The following SLC3A1 variants were observed in gnomAD, a reference collection of about 807,000 sequenced individuals.
SLC3A1 encodes solute carrier family 3 member 1, also known as amino acid transporter heavy chain SLC3A1.
SLC3A1 carries 78 observed loss-of-function variants against 60.3 expected under a neutral mutation model. The ratio of observed to expected loss-of-function variants is 1.29; its 90% CI spans 1.08 to 1.56. SLC3A1 has a LOEUF of 1.56. Among genes scored for constraint, SLC3A1 ranks in the 40% most tolerant of loss-of-function variants. The probability of loss-of-function intolerance (pLI) is 0.00; values close to 1 mark genes in which losing one functional copy is unlikely to be tolerated. For synonymous variants in SLC3A1, 392 were observed against 307.9 expected (o/e 1.27, Z -2.86); for missense variants, 1,172 against 858.9 (o/e 1.36, Z -4.56).
chr2:44,278,699 C>A (rs1194957994), intron 1 of SLC3A1, among the ~76,000 whole-genome samples: 1 of 152,058 alleles, frequency 6.6e-6, no homozygotes, highest in Admixed American at 6.6e-5. Context: ...AAGGAGAAAA[C>A]ACATTATCTG....
At chr2:44,285,004 T>A (rs1415453242) in intron 3 of SLC3A1, 1 of 152,240 alleles carries the variant, frequency 6.6e-6, no homozygotes, top group East Asian at 1.9e-4. Flanking sequence ...TTCATTTAAG[T>A]GTCCATTTCT....
chr2:44,288,226 A>T (rs1327019894), intron 4 of SLC3A1, among the ~76,000 whole-genome samples: 1 of 152,038 alleles, frequency 6.6e-6, no homozygotes, highest in Non-Finnish European at 1.5e-5. Context: ...GGGTTTTGCC[A>T]TGTTGGCCAG....
chr2:44,286,123 A>G lies in SLC3A1; in HGVS notation c.857A>G (p.Asn286Ser), dbSNP rs764752418. ...HQFMKEQPDL[N>S]FRNPDVQEEI... The stretch of plus-strand genomic sequence containing the variant: ...TTTATGAAAGAGCAACCTGATTTAA[A>G]TTTCCGCAATCCTGATGTTCAAGAA... Residue 286 changes from asparagine to serine, a missense_variant, in exon 4 of 10, where the codon AAT becomes AGT. By Grantham distance (46) the Asn-to-Ser change is conservative. Coordinates refer to ENST00000260649, the MANE Select transcript of SLC3A1 (RefSeq NM_000341.4). The G allele has an allele frequency of 1.9e-6, 3 of 1,614,094 alleles. No individual in the cohort carries two copies. Among genetic ancestry groups the G allele is most frequent in the East Asian group, 2.2e-5 (1 of 44,872 alleles).
rs1262745442 is a variant in SLC3A1, at chr2:44,280,886, C to T, written c.601C>T (p.His201Tyr). 13 of 1,613,936 alleles carry T rather than the reference C, an allele frequency of 8.1e-6. No homozygotes were observed. The highest frequency in any genetic ancestry group is 1.1e-5 in the Non-Finnish European group (13 of 1,179,892). Residue 201 changes from histidine to tyrosine, a missense_variant, in exon 2 of 10, where the codon CAT (histidine) becomes TAT (tyrosine). Physicochemically the swap from His to Tyr is moderately conservative, Grantham distance 83 (BLOSUM62 2). Coordinates refer to ENST00000260649, the MANE Select transcript of SLC3A1 (RefSeq NM_000341.4). The stretch of plus-strand genomic sequence containing the variant: ...TTTTGAGAATCTGGTTGCAGCCATA[C>T]ATGATAAAGGTAAGTTGAATGGAAA... Reference protein sequence around the residue: ...EDFENLVAAIHDKGLKLIIDF... With the variant: ...EDFENLVAAIYDKGLKLIIDF...
At chr2:44,293,600 G>T (rs1671784692) in intron 4 of SLC3A1, among the ~76,000 whole-genome samples, 1 of 152,116 alleles carries the variant, frequency 6.6e-6, no homozygotes, top group Non-Finnish European at 1.5e-5. Context: ...TTGTTGATGT[G>T]GCTGATGTCT....
chr2:44,285,393 G>T, intron 3 of SLC3A1: 1 of 249,144 alleles, frequency 4.0e-6, no homozygotes, highest in Non-Finnish European at 8.1e-6. Context: ...ACATTCAAGG[G>T]CCCACAGCGT....
chr2:44,306,647 G>C (rs1041137392), intron 7 of SLC3A1, among the ~76,000 whole-genome samples: 6 of 147,746 alleles, frequency 4.1e-5, no homozygotes, highest in African/African-American at 1.3e-4. Flanking sequence ...TCTGCCTCCT[G>C]GGTTCAAGTA....
At chr2:44,294,280 G>A (rs1473113009) in intron 4 of SLC3A1, among the ~76,000 whole-genome samples, 3 of 152,042 alleles carry the variant, frequency 2.0e-5, no homozygotes, top group African/African-American at 7.2e-5. Flanking sequence ...TGAGGTGGGT[G>A]GATCACTTGA....
At chr2:44,290,952 T>C (rs1671728846) in intron 4 of SLC3A1, among the ~76,000 whole-genome samples, 1 of 152,184 alleles carries the variant, frequency 6.6e-6, no homozygotes, top group African/African-American at 2.4e-5. Flanking sequence ...ACACATTCTA[T>C]GTGCTAAGTG....
intron 7 of SLC3A1, among the ~76,000 whole-genome samples, chr2:44,309,452 C>G (rs898465235): frequency 1.3e-5 from 2 of 152,182 alleles, no homozygotes; most frequent in Non-Finnish European, 2.9e-5. Flanking sequence ...GTTATCTATT[C>G]ATCTGTTGGT....
At chr2:44,308,896 C>T (rs1160522454) in intron 7 of SLC3A1, among the ~76,000 whole-genome samples, 2 of 151,990 alleles carry the variant, frequency 1.3e-5, no homozygotes, top group Non-Finnish European at 2.9e-5. Context: ...CCATGCCTGG[C>T]TAACTTCTTG....
intron 4 of SLC3A1, 40 bp downstream of exon 4, chr2:44,286,197 G>C (rs1333894986): frequency 1.9e-6 from 3 of 1,597,914 alleles, no homozygotes; most frequent in Non-Finnish European, 2.6e-6. Context: ...CATTAATGGA[G>C]GTTTAGGTAT....
chr2:44,304,211 T>A lies in SLC3A1; in HGVS notation c.1205T>A (p.Ile402Asn). Residue 402 changes from isoleucine (I) to asparagine (N), a missense_variant, in exon 7 of 10, where the codon ATC becomes AAC. Ile to Asn is a moderately radical substitution (Grantham distance 149). Transcript: ENST00000260649. ...GTGATGTACTATGGATTGCCATTTATCCAAGAAGCTGATTTTCCCTTCAAC... is the reference window on the plus strand; with the variant it reads ...GTGATGTACTATGGATTGCCATTTAACCAAGAAGCTGATTTTCCCTTCAAC... ...RTVMYYGLPF[I>N]QEADFPFNNY... 6.2e-7 allele frequency: 1 copy of A among 1,614,132 alleles called. No homozygotes were observed.
At position 44,275,665 on chromosome 2, in the gene SLC3A1, C is replaced by G; in HGVS notation, c.130C>G (p.Leu44Val). Residue 44 changes from leucine to valine, a missense_variant, in exon 1 of 10, where the codon CTG (leucine) becomes GTG (valine). Transcript: ENST00000260649. ...GGATCCAGGAAGCTCAACAGACAAC[C>G]TGAAGCACAGCACCAGGGGCATCCT... Reference protein sequence around the residue: ...TPDPGSSTDNLKHSTRGILGS... With the variant: ...TPDPGSSTDNVKHSTRGILGS... 3 of 1,614,182 alleles carry G rather than the reference C, an allele frequency of 1.9e-6. No individual in the cohort carries two copies. Among genetic ancestry groups the G allele is most frequent in the Admixed American group, 1.7e-5 (1 of 60,016 alleles).
At chr2:44,318,666 GTC>G (rs1672652437) in intron 9 of SLC3A1, 1 of 151,576 alleles carries the variant, frequency 6.6e-6, no homozygotes. Context: ...TATAGTGCCT[GTC>G]TCTGAGGGGA....
intron 9 of SLC3A1, chr2:44,319,334 C>CAGAAAAGTGCCA: frequency 6.6e-6 from 1 of 152,542 alleles, no homozygotes; most frequent in Non-Finnish European, 1.5e-5. Context: ...AGTGCCCATA[C>CAGAAAAGTGCCA]TCTTTGACAA....
intron 7 of SLC3A1, among the ~76,000 whole-genome samples, chr2:44,305,037 G>T (rs779102465): frequency 1.3e-5 from 2 of 151,832 alleles, no homozygotes; most frequent in Non-Finnish European, 2.9e-5. Context: ...CACCATGTTG[G>T]CCAGGCTTGT....
chr2:44,315,345 A>T (rs1672402007), intron 9 of SLC3A1: 3 of 152,116 alleles, frequency 2.0e-5, no homozygotes, highest in Admixed American at 2.0e-4. Flanking sequence ...AGTAATTTCT[A>T]AAATACATAA....
At chr2:44,301,368 T>G in intron 6 of SLC3A1, 1 of 609,460 alleles carries the variant, frequency 1.6e-6, no homozygotes, top group Non-Finnish European at 2.9e-6. Flanking sequence ...TTCACAGGAG[T>G]TTTGTGAAAA....
Sources: allele counts gnomAD v4.1 joint callset (sites outside exome capture counted in the v4.1 genomes callset), GRCh38; gene constraint gnomAD v4.1.1; transcripts MANE v1.5; gene names NCBI Gene and HGNC (gene_info 2026-07-23, HGNC 2026-07-21).